ADRA1B: variants seen among roughly 807,000 people sequenced by gnomAD.
ADRA1B encodes adrenoceptor alpha 1B, also known as alpha-1B adrenergic receptor.
A neutral mutation model predicts 17.9 loss-of-function variants in ADRA1B; 17 were observed. The ratio of observed to expected loss-of-function variants is 0.95; its 90% CI spans 0.65 to 1.42. The LOEUF is 1.42. Ranked by LOEUF, ADRA1B falls within the 40% of genes most tolerant of loss-of-function variation. The pLI is 0.00. For missense variants in ADRA1B, 681 were observed against 722.1 expected, an observed-to-expected ratio of 0.94 and a Z score of 0.65; for synonymous variants, 366 against 327.6, an observed-to-expected ratio of 1.12 and a Z score of -1.27.
chr5:159,908,553 A>G (rs750472535), intron 1 of ADRA1B, among the ~76,000 whole-genome samples: 2 of 151,696 alleles, frequency 1.3e-5, no homozygotes, highest in Non-Finnish European at 2.9e-5. Flanking sequence ...TTCCCCTTCC[A>G]CTATGGAGTG....
chr5:159,950,188 A>T (rs946860451), intron 1 of ADRA1B, among the ~76,000 whole-genome samples: 3 of 152,228 alleles, frequency 2.0e-5, no homozygotes, highest in African/African-American at 7.2e-5. Context: ...TTAGGGGTGA[A>T]ACATCTGGTT....
the ADRA1B span, among the ~76,000 whole-genome samples, chr5:159,980,934 T>TAA: frequency 1.1e-4 from 17 of 151,584 alleles, no homozygotes; most frequent in Non-Finnish European, 1.9e-4. Context: ...GACCTCACAA[T>TAA]AAAAAAAACC....
downstream of ADRA1B, among the ~76,000 whole-genome samples, chr5:159,976,622 C>G (rs1005645034): frequency 1.3e-5 from 2 of 150,248 alleles, no homozygotes; most frequent in African/African-American, 4.9e-5. Context: ...GCCAAGATAA[C>G]TCCCAGAACG....
Position 159,972,506 on chromosome 5 carries a change from A to G in ADRA1B, c.*14A>G. On this transcript the variant is annotated 3_prime_UTR_variant, in exon 2 of 2. Transcript: ENST00000306675. Reference sequence around the variant, plus strand: ...GGGCAGTTTTAGGGCCCCCGTGCGCAGCTTTCTTTCCCTGGGGAGGAAAAC... The same window carrying G: ...GGGCAGTTTTAGGGCCCCCGTGCGCGGCTTTCTTTCCCTGGGGAGGAAAAC... The G allele has an allele frequency of 9.3e-7, 1 of 1,070,408 alleles. No individual in the cohort carries two copies. The highest frequency in any genetic ancestry group is 1.1e-6 in the Non-Finnish European group (1 of 881,028). The allele number at this position is 1,070,408 out of a possible 1,614,324, so 66.3% of individuals were successfully genotyped here.
intron 1 of ADRA1B, among the ~76,000 whole-genome samples, chr5:159,943,905 G>GTC (rs746703941): frequency 0.012 from 1,580 of 134,718 alleles, 18 homozygotes; most frequent in South Asian, 0.025. Context: ...CTCTCTCTCT[G>GTC]TCTCTCTCAC....
At chr5:159,922,335 A>C (rs1311179034) in intron 1 of ADRA1B, among the ~76,000 whole-genome samples, 3 of 152,232 alleles carry the variant, frequency 2.0e-5, no homozygotes, top group Admixed American at 2.0e-4. Flanking sequence ...CCAAGGTCAC[A>C]CATCAAGTAA....
intron 1 of ADRA1B, among the ~76,000 whole-genome samples, chr5:159,942,408 C>A (rs1341043413): frequency 6.6e-6 from 1 of 152,150 alleles, no homozygotes; most frequent in Non-Finnish European, 1.5e-5. Context: ...GGGAAACAAC[C>A]TAAAAGTCTA....
At chr5:159,867,112 T>TA (rs1214244345) in intron 1 of ADRA1B, 1 of 152,194 alleles carries the variant, frequency 6.6e-6, no homozygotes, top group African/African-American at 2.4e-5. Flanking sequence ...TTAAATTAGT[T>TA]ATATGACCTC....
intron 1 of ADRA1B, among the ~76,000 whole-genome samples, chr5:159,939,278 A>AGTGTGT (rs70987981): frequency 2.0e-5 from 2 of 98,312 alleles, no homozygotes; most frequent in African/African-American, 3.8e-5. Context: ...AGAGAGAGAG[A>AGTGTGT]GTGTGTGTGT....
intron 1 of ADRA1B, among the ~76,000 whole-genome samples, chr5:159,942,212 A>G (rs1015943548): frequency 2.0e-5 from 3 of 151,000 alleles, no homozygotes; most frequent in Admixed American, 6.6e-5. Flanking sequence ...GTGAGCCGCC[A>G]TGGCCGGCCG....
At chr5:159,934,336 TG>T (rs1327338077) in intron 1 of ADRA1B, among the ~76,000 whole-genome samples, 1 of 152,198 alleles carries the variant, frequency 6.6e-6, no homozygotes, top group Non-Finnish European at 1.5e-5. Flanking sequence ...GCCAGAAGCC[TG>T]GGCTCACCAA....
chr5:159,959,104 C>A lies in ADRA1B; in HGVS notation c.950-12775C>A, dbSNP rs76638241. Among the ~76,000 whole-genome samples the A allele has an allele frequency of 1.9e-4, 29 of 152,298 alleles. No individual in the cohort carries two copies. In the East Asian group the frequency reaches 5.6e-3, roughly 29 times the overall value. On this transcript the variant is annotated intron_variant, in intron 1 of 1. Transcript: ENST00000306675. ...AGACACAGACCTCATCTTTAAGGAGCTTTTACAGTTCCCAAAGAGTTAAGA... is the reference window on the plus strand; with the variant it reads ...AGACACAGACCTCATCTTTAAGGAGATTTTACAGTTCCCAAAGAGTTAAGA...
chr5:159,919,855 A>G (rs933933005), intron 1 of ADRA1B, among the ~76,000 whole-genome samples: 1 of 152,166 alleles, frequency 6.6e-6, no homozygotes, highest in Admixed American at 6.5e-5. Context: ...GGCTTCCAGC[A>G]TATTCAAATG....
At chr5:159,874,321 A>G (rs188533339) in intron 1 of ADRA1B, among the ~76,000 whole-genome samples, 1 of 152,318 alleles carries the variant, frequency 6.6e-6, no homozygotes, top group East Asian at 1.9e-4. Context: ...AAAATGAAAT[A>G]AATTCCTTAT....
chr5:159,973,805 C>G (rs1011592019), downstream of ADRA1B, among the ~76,000 whole-genome samples: 3 of 152,188 alleles, frequency 2.0e-5, no homozygotes, highest in Admixed American at 6.5e-5. Context: ...GGTTCCCCAT[C>G]TGTGTAATGG....
intron 1 of ADRA1B, among the ~76,000 whole-genome samples, chr5:159,950,046 C>T (rs569218448): frequency 6.6e-6 from 1 of 152,308 alleles, no homozygotes; most frequent in African/African-American, 2.4e-5. Context: ...TGCTGTTGTG[C>T]CAGGCAGATC....
intron 1 of ADRA1B, among the ~76,000 whole-genome samples, chr5:159,932,153 CT>C (rs1754826221): frequency 1.3e-5 from 2 of 151,660 alleles, no homozygotes; most frequent in African/African-American, 4.8e-5. Flanking sequence ...TCCTTTTTTT[CT>C]TTTCTTTTTT....
chr5:159,938,345 G>C (rs1755012710), intron 1 of ADRA1B, among the ~76,000 whole-genome samples: 1 of 152,146 alleles, frequency 6.6e-6, no homozygotes, highest in Non-Finnish European at 1.5e-5. Context: ...TTTCAACCAG[G>C]GGCCCTTATC....
exon 1 of ADRA1B, chr5:159,865,097 T>A (rs1290774111): frequency 6.6e-6 from 1 of 152,156 alleles, no homozygotes; most frequent in East Asian, 1.9e-4. Flanking sequence ...TTCCTGGACA[T>A]TGCTGGGAGC....
Sources: allele counts gnomAD v4.1 joint callset (sites outside exome capture counted in the v4.1 genomes callset), GRCh38; gene constraint gnomAD v4.1.1; transcripts MANE v1.5; gene names NCBI Gene and HGNC (gene_info 2026-07-23, HGNC 2026-07-21).